RGS7BP: variants seen among roughly 807,000 people sequenced by gnomAD.
RGS7BP encodes regulator of G protein signaling 7-binding protein.
In RGS7BP, 9 loss-of-function variants were observed where a neutral mutation model predicts 31.3. That is an observed-to-expected ratio of 0.29 (90% CI 0.17 to 0.50). The LOEUF is 0.50. RGS7BP is among the 20% of genes least tolerant of loss of function. RGS7BP has a pLI of 0.98. For missense variants in RGS7BP, 274 were observed against 322.0 expected (o/e 0.85, Z 1.14); for synonymous variants, 115 against 120.1 (o/e 0.96, Z 0.28).
intron 2 of RGS7BP, among the ~76,000 whole-genome samples, chr5:64,545,273 G>GT (rs1741626897): frequency 1.3e-5 from 2 of 152,074 alleles, no homozygotes; most frequent in African/African-American, 4.8e-5. Context: ...GTGAGATGGG[G>GT]GAGTGGGGAG....
intron 5 of RGS7BP, among the ~76,000 whole-genome samples, chr5:64,606,937 A>G (rs1743380668): frequency 6.6e-6 from 1 of 152,158 alleles, no homozygotes; most frequent in Admixed American, 6.6e-5. Context: ...TGTTAACAGA[A>G]TATGAGCTTT....
At chr5:64,575,933 C>T in intron 3 of RGS7BP, 29 bp downstream of exon 3, 2 of 1,596,574 alleles carry the variant, frequency 1.3e-6, no homozygotes, top group Non-Finnish European at 1.7e-6. Flanking sequence ...GCCGGAAACA[C>T]TGAGGAATGT....
chr5:64,583,584 T>C (rs771728997), intron 3 of RGS7BP, among the ~76,000 whole-genome samples: 3 of 152,088 alleles, frequency 2.0e-5, no homozygotes, highest in Non-Finnish European at 4.4e-5. Context: ...ATGAAAATAA[T>C]TGAAATAGAA....
At chr5:64,552,834 C>T (rs781133655) in intron 2 of RGS7BP, among the ~76,000 whole-genome samples, 1 of 152,180 alleles carries the variant, frequency 6.6e-6, no homozygotes, top group Non-Finnish European at 1.5e-5. Flanking sequence ...GCCTCAGCCT[C>T]CCAAGTAGTT....
chr5:64,525,806 C>T (rs1749217856), intron 2 of RGS7BP, among the ~76,000 whole-genome samples: 1 of 152,118 alleles, frequency 6.6e-6, no homozygotes, highest in African/African-American at 2.4e-5. Context: ...GAGCTAGGAC[C>T]AAGCAGATTC....
chr5:64,601,854 T>C (rs1409659198), intron 5 of RGS7BP, among the ~76,000 whole-genome samples: 1 of 152,196 alleles, frequency 6.6e-6, no homozygotes, highest in Non-Finnish European at 1.5e-5. Context: ...CATGCTGTTA[T>C]CAAACAAAAC....
chr5:64,512,322 G>A (rs1748860046), intron 2 of RGS7BP, among the ~76,000 whole-genome samples: 1 of 152,062 alleles, frequency 6.6e-6, no homozygotes, highest in South Asian at 2.1e-4. Context: ...ATTAGACCAG[G>A]CTTTACCACT....
At chr5:64,603,552 G>C (rs1435557744) in intron 5 of RGS7BP, among the ~76,000 whole-genome samples, 1 of 152,164 alleles carries the variant, frequency 6.6e-6, no homozygotes, top group Non-Finnish European at 1.5e-5. Flanking sequence ...AGTTTACAAA[G>C]GGGACTGAGA....
intron 2 of RGS7BP, among the ~76,000 whole-genome samples, chr5:64,537,183 CT>C (rs1741396727): frequency 6.6e-6 from 1 of 152,212 alleles, no homozygotes; most frequent in Non-Finnish European, 1.5e-5. Flanking sequence ...GGTGTCCAAT[CT>C]TTTGGCTTCC....
At position 64,538,546 on chromosome 5, in the gene RGS7BP, C is replaced by CTTTTTTT. The variant is rs1191560944; in HGVS notation, c.332+30691_332+30697dup. Reference sequence around the variant, plus strand: ...TTCTTTTCTTTTTTTTTTTCCTTTTCTTTTTTTTTTTTTTTTTTTTTTTTT... The same window carrying CTTTTTTT: ...TTCTTTTCTTTTTTTTTTTCCTTTTCTTTTTTTTTTTTTTTTTTTTTTTTTTTTTTTT... On this transcript the variant is annotated intron_variant, in intron 2 of 5. Coordinates refer to ENST00000334025, the MANE Select transcript of RGS7BP (RefSeq NM_001029875.3). Among the ~76,000 whole-genome samples the CTTTTTTT allele has an allele frequency of 4.5e-4, 18 of 40,030 alleles. 1 individual carries two copies. Among genetic ancestry groups the CTTTTTTT allele is most frequent in the African/African-American group, 8.9e-4 (8 of 8,978 alleles). The allele number at this position is 40,030 out of a possible 152,430, so 26.3% of individuals were successfully genotyped here. A position where few individuals can be genotyped will look rare whatever the true frequency, so the allele number is the denominator to read the frequency against.
intron 2 of RGS7BP, among the ~76,000 whole-genome samples, chr5:64,568,703 A>G (rs1742228155): frequency 6.6e-6 from 1 of 152,050 alleles, no homozygotes; most frequent in Non-Finnish European, 1.5e-5. Context: ...GATGAATAAA[A>G]GATGACTTAC....
chr5:64,596,618 C>G (rs1282768558), intron 4 of RGS7BP, among the ~76,000 whole-genome samples: 1 of 152,180 alleles, frequency 6.6e-6, no homozygotes, highest in African/African-American at 2.4e-5. Context: ...TGGGGCCACA[C>G]TTCCTTTCTC....
intron 3 of RGS7BP, among the ~76,000 whole-genome samples, chr5:64,592,109 G>A (rs761853723): frequency 1.3e-5 from 2 of 152,144 alleles, no homozygotes; most frequent in African/African-American, 4.8e-5. Context: ...CGGTAAATGA[G>A]AGCAATTATA....
intron 3 of RGS7BP, among the ~76,000 whole-genome samples, chr5:64,580,587 T>C (rs1742564177): frequency 6.6e-6 from 1 of 151,088 alleles, no homozygotes; most frequent in East Asian, 1.9e-4. Context: ...TATATAGGTA[T>C]ATAAAATATA....
At chr5:64,607,585 A>G (rs1561353257) in intron 5 of RGS7BP, among the ~76,000 whole-genome samples, 1 of 152,042 alleles carries the variant, frequency 6.6e-6, no homozygotes, top group Non-Finnish European at 1.5e-5. Flanking sequence ...TTATTATGAT[A>G]GGGGGTTATG....
chr5:64,560,605 T>G (rs1742031019), intron 2 of RGS7BP, among the ~76,000 whole-genome samples: 4 of 151,786 alleles, frequency 2.6e-5, no homozygotes, highest in Admixed American at 1.3e-4. Context: ...AGTGCATGCT[T>G]AATTTTTTAT....
chr5:64,528,981 T>G (rs1481615948), intron 2 of RGS7BP, among the ~76,000 whole-genome samples: 3 of 152,144 alleles, frequency 2.0e-5, no homozygotes, highest in African/African-American at 7.2e-5. Flanking sequence ...TTACAACGTA[T>G]TCCAATATTC....
chr5:64,601,810 G>A (rs1369373670), intron 5 of RGS7BP, among the ~76,000 whole-genome samples: 1 of 152,160 alleles, frequency 6.6e-6, no homozygotes, highest in African/African-American at 2.4e-5. Context: ...GCTAAAAGGA[G>A]ATTGGAAAGT....
intron 2 of RGS7BP, among the ~76,000 whole-genome samples, chr5:64,556,460 C>G (rs1012036334): frequency 7.7e-6 from 1 of 130,406 alleles, no homozygotes; most frequent in Non-Finnish European, 1.6e-5. Context: ...CACACACACA[C>G]AAAATTGGCT....
Sources: gnomAD v4.1 joint callset for allele counts (sites outside exome capture counted in the v4.1 genomes callset) on GRCh38, gnomAD v4.1.1 for gene constraint, MANE v1.5 for transcripts, NCBI Gene and HGNC (gene_info 2026-07-23, HGNC 2026-07-21) for gene names.